The following RASSF8 variants were observed in gnomAD, a reference collection of about 807,000 sequenced individuals.
The protein encoded by RASSF8 is ras association domain-containing protein 8.
Under a neutral mutation model 48.5 loss-of-function variants are expected in RASSF8, and 22 were observed. The ratio of observed to expected loss-of-function variants is 0.45; its 90% confidence interval spans 0.32 to 0.65. The LOEUF is 0.65. Ranked by LOEUF, RASSF8 falls within the 30% of genes least tolerant of loss-of-function variation. The probability of loss-of-function intolerance (pLI) is 0.03; values close to 1 mark genes in which losing one functional copy is unlikely to be tolerated. For missense variants in RASSF8, 418 were observed against 489.2 expected (o/e 0.85, Z 1.37); for synonymous variants, 127 against 171.5 (o/e 0.74, Z 2.03).
chr12:26,073,799 TAC>T (rs1239157752), downstream of RASSF8, among the ~76,000 whole-genome samples: 58 of 129,246 alleles, frequency 4.5e-4, 1 homozygote, highest in African/African-American at 1.8e-3. Context: ...ACATTATGTA[TAC>T]ACACACATAT....
chr12:26,054,699 G>GA (rs527985526), intron 2 of RASSF8, among the ~76,000 whole-genome samples: 13 of 151,800 alleles, frequency 8.6e-5, no homozygotes. Context: ...AATAATAAGG[G>GA]AAAAAAATAT....
At chr12:26,055,149 T>G (rs1943574525) in intron 2 of RASSF8, 87 bp from the exon 3 acceptor site, 1 of 571,938 alleles carries the variant, frequency 1.7e-6, no homozygotes, top group African/African-American at 1.9e-5. Flanking sequence ...TTATGATATG[T>G]TAAAATTTGT....
chr12:26,075,282 T>C (rs1944062258), downstream of RASSF8, among the ~76,000 whole-genome samples: 1 of 152,220 alleles, frequency 6.6e-6, no homozygotes. Context: ...TAGTCACAGA[T>C]AATCTGTTCT....
intron 1 of RASSF8, among the ~76,000 whole-genome samples, chr12:25,989,587 T>C (rs1298363388): frequency 6.6e-6 from 1 of 152,242 alleles, no homozygotes; most frequent in African/African-American, 2.4e-5. Flanking sequence ...TGAAATTCAT[T>C]TTCCAAACTG....
chr12:25,988,940 T>C (rs552463742), intron 1 of RASSF8, among the ~76,000 whole-genome samples: 2 of 152,342 alleles, frequency 1.3e-5, no homozygotes, highest in Admixed American at 6.5e-5. Flanking sequence ...TTTCTTCACT[T>C]AACTTAAAAA....
chr12:25,979,860 G>C (rs560734550), intron 1 of RASSF8, among the ~76,000 whole-genome samples: 16 of 152,280 alleles, frequency 1.1e-4, no homozygotes, highest in Non-Finnish European at 2.1e-4. Flanking sequence ...TAGGGGAGCT[G>C]GATCAGCAGC....
At chr12:26,026,919 A>G (rs531209046) in intron 2 of RASSF8, among the ~76,000 whole-genome samples, 19 of 152,368 alleles carry the variant, frequency 1.2e-4, no homozygotes, top group Admixed American at 4.6e-4. Context: ...AAGTTAAAAT[A>G]TATGTCCATG....
intron 1 of RASSF8, among the ~76,000 whole-genome samples, chr12:25,966,336 T>C (rs1691894): frequency 0.015 from 2,274 of 152,290 alleles, 70 homozygotes; most frequent in African/African-American, 0.052. Context: ...CCCAAGTAGC[T>C]AGGACCACAC....
downstream of RASSF8, among the ~76,000 whole-genome samples, chr12:26,073,805 CACAT>C (rs979057735): frequency 1.2e-3 from 123 of 106,134 alleles, 2 homozygotes; most frequent in African/African-American, 4.9e-3. Flanking sequence ...TGTATACACA[CACAT>C]ATATATACAC....
intron 1 of RASSF8, among the ~76,000 whole-genome samples, chr12:25,988,992 T>G (rs910073154): frequency 5.3e-5 from 8 of 152,214 alleles, no homozygotes; most frequent in Non-Finnish European, 1.5e-5. Flanking sequence ...AGAAAGCATC[T>G]CTGAGGGGTA....
intron 2 of RASSF8, among the ~76,000 whole-genome samples, chr12:26,034,421 A>C (rs930236046): frequency 4.0e-4 from 60 of 151,260 alleles, no homozygotes; most frequent in Admixed American, 2.1e-3. Context: ...AAAAAAAAAA[A>C]ATCTCATGAT....
At chr12:25,991,077 C>G (rs771176037) in intron 1 of RASSF8, among the ~76,000 whole-genome samples, 19 of 151,740 alleles carry the variant, frequency 1.3e-4, no homozygotes, top group Non-Finnish European at 1.9e-4. Context: ...CAATATTGTC[C>G]ATTGATTATC....
chr12:26,067,503 A>C, intron 4 of RASSF8, 66 bp from the exon 5 acceptor site: 1 of 1,464,016 alleles, frequency 6.8e-7, no homozygotes, highest in Non-Finnish European at 9.3e-7. Flanking sequence ...ATGGATCCTC[A>C]CAAAGATGTC....
chr12:26,060,087 C>T (rs550879415), intron 3 of RASSF8, among the ~76,000 whole-genome samples: 2 of 152,226 alleles, frequency 1.3e-5, no homozygotes, highest in East Asian at 3.9e-4. Flanking sequence ...TTAGTAGAGA[C>T]GGGGTTTCAC....
intron 2 of RASSF8, among the ~76,000 whole-genome samples, chr12:26,006,516 C>T (rs2137003961): frequency 6.6e-6 from 1 of 152,202 alleles, no homozygotes; most frequent in African/African-American, 2.4e-5. Flanking sequence ...TACTGTTTTT[C>T]CCAAATGCTT....
intron 1 of RASSF8, among the ~76,000 whole-genome samples, chr12:25,989,080 G>C (rs1184914504): frequency 6.6e-6 from 1 of 152,186 alleles, no homozygotes; most frequent in Non-Finnish European, 1.5e-5. Context: ...AGTAAAGACA[G>C]ATTTACAATG....
At chr12:26,078,858 T>A (rs1944093080) in intron 5 of RASSF8, among the ~76,000 whole-genome samples, 1 of 152,208 alleles carries the variant, frequency 6.6e-6, no homozygotes, top group South Asian at 2.1e-4. Context: ...CATTGTCAAG[T>A]ACTCTTGTAA....
rs751771882 is a variant in RASSF8 at position 26,064,579 on chromosome 12, C to T, written c.185C>T (p.Ser62Phe). 1.9e-6 allele frequency: 3 copies of T among 1,614,048 alleles called. No individual in the cohort carries two copies. The South Asian group carries it at 3.3e-5, about 18-fold the overall frequency. Residue 62 changes from serine (S) to phenylalanine (F), a missense_variant, in exon 4 of 6, where the codon TCC becomes TTC. Physicochemically the swap from Ser to Phe is radical, Grantham distance 155 (BLOSUM62 -2). Transcript: ENST00000689635. The stretch of plus-strand genomic sequence containing the variant: ...GCACCTCATGAAAATCCTATCATAT[C>T]CTTAAACAAATGGGGGCAGTATGCT... ...HLAPHENPII[S>F]LNKWGQYASD... is the part of the protein sequence containing the mutation.
At chr12:26,037,709 G>A (rs904443861) in intron 2 of RASSF8, among the ~76,000 whole-genome samples, 2 of 152,108 alleles carry the variant, frequency 1.3e-5, no homozygotes, top group African/African-American at 2.4e-5. Flanking sequence ...GCCTTTATGT[G>A]GCTGGTGGGC....
Sources: gnomAD v4.1 joint callset for allele counts (sites outside exome capture counted in the v4.1 genomes callset) on GRCh38, gnomAD v4.1.1 for gene constraint, MANE v1.5 for transcripts, NCBI Gene and HGNC (gene_info 2026-07-23, HGNC 2026-07-21) for gene names.